The following TYW1B variants were observed in gnomAD, a reference collection of about 807,000 sequenced individuals.
TYW1B encodes the protein S-adenosyl-L-methionine-dependent tRNA 4-demethylwyosine synthase TYW1B.
Under a neutral mutation model 86.9 loss-of-function variants are expected in TYW1B, and 73 were observed. That is an observed-to-expected ratio of 0.84 (90% CI 0.70 to 1.02). TYW1B has a LOEUF of 1.02. Among genes scored for constraint, TYW1B ranks in the 50% least tolerant of loss-of-function variants. The pLI, the probability that TYW1B is intolerant of heterozygous loss-of-function variation, is 0.00. For synonymous variants in TYW1B, 248 were observed against 292.8 expected (o/e 0.85, Z 1.56); for missense variants, 637 against 827.4 (o/e 0.77, Z 2.82).
At position 72,681,892 on chromosome 7, in the gene TYW1B, T is replaced by G. The variant is rs114398020; in HGVS notation, c.1506+12795A>C. 6.1e-3 allele frequency among the ~76,000 whole-genome samples: 912 copies of G among 150,444 alleles called. 10 individuals are homozygous for G. Among genetic ancestry groups the G allele is most frequent in the African/African-American group, 0.021 (865 of 40,830 alleles). On this transcript the variant is annotated intron_variant, in intron 11 of 13. Transcript: ENST00000620995. ...GAGCCACCGCACCCGGCCGTCTGTT[T>G]TTTTAGATGGAGTCTCTCTCTGTCT...
chr7:72,669,515 C>T (rs1261643971), intron 11 of TYW1B, among the ~76,000 whole-genome samples: 11 of 151,912 alleles, frequency 7.2e-5, no homozygotes, highest in Admixed American at 7.2e-4. Flanking sequence ...CCTATAATCC[C>T]AGCACTTTGG....
At chr7:72,742,761 T>TA (rs1787327593) in intron 8 of TYW1B, among the ~76,000 whole-genome samples, 1 of 152,092 alleles carries the variant, frequency 6.6e-6, no homozygotes, top group African/African-American at 2.4e-5. Context: ...CAAGTTATTA[T>TA]AAGCATTTAT....
intron 11 of TYW1B, among the ~76,000 whole-genome samples, chr7:72,693,662 T>C (rs1814230066): frequency 1.3e-5 from 2 of 152,024 alleles, no homozygotes; most frequent in African/African-American, 4.8e-5. Flanking sequence ...CTCAAAGTGC[T>C]GGGATTACAG....
chr7:72,784,930 G>C (rs1421373505), intron 6 of TYW1B, among the ~76,000 whole-genome samples: 1 of 151,580 alleles, frequency 6.6e-6, no homozygotes, highest in South Asian at 2.1e-4. Context: ...TGCAGGACTT[G>C]AGAAGCCTCT....
intron 13 of TYW1B, among the ~76,000 whole-genome samples, chr7:72,604,646 T>C (rs1762009259): frequency 1.3e-5 from 2 of 152,016 alleles, no homozygotes; most frequent in South Asian, 4.2e-4. Flanking sequence ...TATCAAAGCT[T>C]GTTGGATTCT....
chr7:72,749,395 G>A (rs1397867382), intron 7 of TYW1B, among the ~76,000 whole-genome samples: 2 of 152,108 alleles, frequency 1.3e-5, no homozygotes, highest in Admixed American at 6.5e-5. Flanking sequence ...TTGGGTTCAC[G>A]CCATTCTCCT....
At chr7:72,775,940 T>C (rs2096549) in intron 7 of TYW1B, among the ~76,000 whole-genome samples, 104,384 of 151,994 alleles carry the variant, frequency 0.69, 36,772 homozygotes, top group Non-Finnish European at 0.77. Context: ...GATATAAAAA[T>C]AGATATTTTT....
At chr7:72,681,591 CT>C (rs71069098) in intron 11 of TYW1B, among the ~76,000 whole-genome samples, 1,857 of 111,012 alleles carry the variant, frequency 0.017, 9 homozygotes, top group Non-Finnish European at 0.027. Context: ...ATATTTACTT[CT>C]TTTTTTTTTT....
chr7:72,703,855 A>C (rs76687860), intron 10 of TYW1B, among the ~76,000 whole-genome samples: 1 of 143,374 alleles, frequency 7.0e-6, no homozygotes, highest in Non-Finnish European at 1.5e-5. Flanking sequence ...ACCCTGTCTC[A>C]AAAAAAAAAA....
At chr7:72,649,422 T>C (rs1419881241) in intron 11 of TYW1B, among the ~76,000 whole-genome samples, 1 of 151,972 alleles carries the variant, frequency 6.6e-6, no homozygotes, top group Non-Finnish European at 1.5e-5. Flanking sequence ...AGAGAAACAA[T>C]GTCATAAAAA....
chr7:72,707,764 A>G (rs1378845922), intron 10 of TYW1B, among the ~76,000 whole-genome samples: 6 of 152,220 alleles, frequency 3.9e-5, no homozygotes, highest in Admixed American at 6.5e-5. Context: ...AAAGAGTCTG[A>G]TATAATTTGG....
At chr7:72,779,949 T>G (rs564683510) in intron 6 of TYW1B, among the ~76,000 whole-genome samples, 89 of 151,692 alleles carry the variant, frequency 5.9e-4, no homozygotes, top group South Asian at 1.2e-3. Flanking sequence ...GCAAGGCAAA[T>G]GAACATTTTT....
chr7:72,713,933 C>A (rs2129570727), intron 9 of TYW1B, 135 bp from the exon 10 acceptor site: 1 of 542,338 alleles, frequency 1.8e-6, no homozygotes, highest in South Asian at 3.4e-5. Flanking sequence ...GGCTAAAGGG[C>A]AGGGCAGGAC....
At chr7:72,614,011 G>C (rs1158724642) in intron 13 of TYW1B, among the ~76,000 whole-genome samples, 1 of 150,822 alleles carries the variant, frequency 6.6e-6, no homozygotes, top group African/African-American at 2.4e-5. Context: ...CTGGGGGGGT[G>C]GGGGGCAGGG....
rs1374254347 is a variant in TYW1B, at chr7:72,669,123, T to G, written c.1506+25564A>C. Among the ~76,000 whole-genome samples, 3 of 149,110 alleles carry G rather than the reference T, an allele frequency of 2.0e-5. 1 individual carries two copies. The highest frequency in any genetic ancestry group is 7.3e-5 in the African/African-American group (3 of 40,924). The stretch of plus-strand genomic sequence containing the variant: ...ATTCTAAGAGGCAAACAACCACTAT[T>G]TAATTTTAAACTTTTTTTTTTTTTT... On this transcript the variant is annotated intron_variant, in intron 11 of 13. Transcript: ENST00000620995.
intron 12 of TYW1B, among the ~76,000 whole-genome samples, chr7:72,620,227 T>C (rs1554437715): frequency 6.6e-6 from 1 of 151,966 alleles, no homozygotes. Context: ...TGAAACCCTG[T>C]CTCTATTAAA....
rs1386211033 is a variant in TYW1B at position 72,612,837 on chromosome 7, C to A, written c.1785+3835G>T. Among the ~76,000 whole-genome samples, 3 of 151,946 alleles carry A rather than the reference C, an allele frequency of 2.0e-5. No homozygotes were observed. The East Asian group carries it at 5.8e-4, about 29-fold the overall frequency. ...TAATCACGGGTCACTGCAGCCTTGA[C>A]CTCCTGGGCTCAGATGATCCTTCCA... On this transcript the variant is annotated intron_variant, in intron 13 of 13. Transcript: ENST00000620995.
intron 2 of TYW1B, among the ~76,000 whole-genome samples, chr7:72,816,059 A>C (rs1342164690): frequency 6.6e-6 from 1 of 151,914 alleles, no homozygotes; most frequent in Non-Finnish European, 1.5e-5. Context: ...AAAAACAATA[A>C]ACACAGAGAA....
At position 72,815,496 on chromosome 7, in the gene TYW1B, A is replaced by G; in HGVS notation, c.136-15T>C. ...GTTGCAAATCCCTAATAGGACAAAA[A>G]AAAACTTCAAATAAAGTCTTCAATG... On this transcript the variant is annotated splice_polypyrimidine_tract_variant and intron_variant, in intron 2 of 13. Transcript: ENST00000620995. 10 of 1,598,150 alleles carry G rather than the reference A, an allele frequency of 6.3e-6. No homozygotes were observed. The highest frequency in any genetic ancestry group is 8.5e-6 in the Non-Finnish European group (10 of 1,175,940).
Sources: gnomAD v4.1 joint callset for allele counts (sites outside exome capture counted in the v4.1 genomes callset) on GRCh38, gnomAD v4.1.1 for gene constraint, MANE v1.5 for transcripts, NCBI Gene and HGNC (gene_info 2026-07-23, HGNC 2026-07-21) for gene names.